Variants in SUCLA2 observed in about 807,000 individuals in gnomAD.
SUCLA2 encodes succinate-CoA ligase ADP-forming subunit beta.
In SUCLA2, 30 loss-of-function variants were observed where a neutral mutation model predicts 54.8. The observed-to-expected ratio is 0.55, with a 90% confidence interval of 0.41 to 0.74. SUCLA2 has a LOEUF of 0.74. Ranked by LOEUF, SUCLA2 falls within the 30% of genes least tolerant of loss-of-function variation. SUCLA2 has a pLI of 0.00. For synonymous variants in SUCLA2, 172 were observed against 188.9 expected, an observed-to-expected ratio of 0.91 and a Z score of 0.74; for missense variants, 476 against 562.9, an observed-to-expected ratio of 0.85 and a Z score of 1.56.
intron 2 of SUCLA2, among the ~76,000 whole-genome samples, chr13:47,995,512 T>G (rs1055668807): frequency 1.3e-5 from 2 of 152,182 alleles, no homozygotes; most frequent in Non-Finnish European, 2.9e-5. Context: ...TATGACAGTT[T>G]TCTGAACTTG....
chr13:47,947,380 A>T (rs747353240), intron 10 of SUCLA2, among the ~76,000 whole-genome samples: 2 of 152,200 alleles, frequency 1.3e-5, no homozygotes, highest in Non-Finnish European at 2.9e-5. Flanking sequence ...GACATAATAG[A>T]ACAAACATTA....
At chr13:47,980,935 C>A (rs1950056466) in intron 4 of SUCLA2, among the ~76,000 whole-genome samples, 1 of 151,966 alleles carries the variant, frequency 6.6e-6, no homozygotes, top group South Asian at 2.1e-4. Flanking sequence ...CTACTATATG[C>A]AAAAATTTAC....
intron 4 of SUCLA2, 35 bp downstream of exon 4, chr13:47,988,506 T>A (rs2137742830): frequency 6.2e-7 from 1 of 1,608,848 alleles, no homozygotes; most frequent in East Asian, 2.2e-5. Flanking sequence ...ATGTCATAAA[T>A]TTATCCCGTA....
rs146144810 is a variant in SUCLA2, at chr13:47,949,648, A to C, written c.1108-45T>G. 341 of 1,603,832 alleles carry C rather than the reference A, an allele frequency of 2.1e-4. 5 individuals are homozygous for C. The East Asian group carries it at 6.5e-3, about 30-fold the overall frequency. On this transcript the variant is annotated intron_variant, in intron 8 of 10. Transcript: ENST00000646932. ...ATAGATTAAAATTTAAAAGAAATTT[A>C]AGTTCTTTTCCCCAAAAAATACTAG...
At chr13:47,960,903 C>A (rs558280832) in intron 6 of SUCLA2, among the ~76,000 whole-genome samples, 1 of 152,006 alleles carries the variant, frequency 6.6e-6, no homozygotes. Context: ...GGGATCACTG[C>A]GGAAGAGGTA....
Position 47,943,101 on chromosome 13 carries a change from T to C in SUCLA2, c.*270A>G, listed in dbSNP as rs1949698598. 2 of 430,514 alleles carry C rather than the reference T, an allele frequency of 4.6e-6. No homozygotes were observed. The highest frequency in any genetic ancestry group is 8.5e-6 in the Non-Finnish European group (2 of 235,344). 26.7% of individuals were successfully genotyped at this position (430,514 alleles called of 1,614,324 possible). Reference sequence around the variant, plus strand: ...AACTTTGTATCCAACAATAATAAACTGGCAAATTGCAAGTTACGTTTTGTA... The same window carrying C: ...AACTTTGTATCCAACAATAATAAACCGGCAAATTGCAAGTTACGTTTTGTA... On this transcript the variant is annotated 3_prime_UTR_variant, in exon 11 of 11. Transcript: ENST00000646932.
At chr13:47,948,870 G>A in intron 10 of SUCLA2, 70 bp downstream of exon 10, 1 of 1,342,738 alleles carries the variant, frequency 7.4e-7, no homozygotes. Flanking sequence ...ATTATTAGCT[G>A]TATTAATAAT....
chr13:47,998,003 AAATC>A (rs1950202909), intron 1 of SUCLA2, among the ~76,000 whole-genome samples: 1 of 152,202 alleles, frequency 6.6e-6, no homozygotes, highest in South Asian at 2.1e-4. Flanking sequence ...CTAGTCTTAC[AAATC>A]AATCATATAT....
At chr13:47,968,161 T>C (rs1949934515) in intron 6 of SUCLA2, among the ~76,000 whole-genome samples, 1 of 152,162 alleles carries the variant, frequency 6.6e-6, no homozygotes, top group South Asian at 2.1e-4. Context: ...CACTGCCCAA[T>C]AAAACCTTCT....
Position 47,990,814 on chromosome 13 carries a change from T to C in SUCLA2, c.272-1833A>G, listed in dbSNP as rs539924435. ...CCAACCAAATCAATGAGGTAGGAAA[T>C]GGAGTTTGAAACCAAACAAAAACAA... is the stretch of plus-strand genomic sequence containing the variant. On this transcript the variant is annotated intron_variant, in intron 2 of 10. Coordinates refer to ENST00000646932, the MANE Select transcript of SUCLA2 (RefSeq NM_003850.3). Among the ~76,000 whole-genome samples, 3 of 152,314 alleles carry C rather than the reference T, an allele frequency of 2.0e-5. No homozygotes were observed. In the South Asian group the frequency reaches 6.2e-4, roughly 32 times the overall value.
At position 47,996,889 on chromosome 13, in the gene SUCLA2, A is replaced by G. The variant is rs755889049; in HGVS notation, c.225T>C (p.Tyr75=). The part of the protein sequence containing the change: ...QEAGVSVPKG[Y]VAKSPDEAYA... ...AAGCTTCATCTGGTGACTTTGCCAC[A>G]TATCCTTTGGGAACGGAGACACCAG... Residue 75 remains tyrosine (Y), a synonymous_variant, in exon 2 of 11, where the codon TAT becomes TAC. Transcript: ENST00000646932. 4 of 1,613,862 alleles carry G rather than the reference A, an allele frequency of 2.5e-6. No homozygotes were observed. The African/African-American group carries it at 4.0e-5, about 16-fold the overall frequency.
intron 2 of SUCLA2, chr13:47,991,500 T>G (rs1950148559): frequency 6.6e-6 from 1 of 152,224 alleles, no homozygotes; most frequent in Non-Finnish European, 1.5e-5. Context: ...CAATCCCCCT[T>G]ACCTACTACA....
intron 1 of SUCLA2, 111 bp downstream of exon 1, chr13:48,001,069 C>T (rs45602539): frequency 0.12 from 177,133 of 1,525,390 alleles, 11,245 homozygotes; most frequent in South Asian, 0.18. Context: ...TGCAGGGCAC[C>T]CAGAAAATGT....
At chr13:48,001,090 G>A (rs991696212) in intron 1 of SUCLA2, 90 bp downstream of exon 1, 79 of 1,531,240 alleles carry the variant, frequency 5.2e-5, no homozygotes, top group Admixed American at 7.9e-5. Context: ...CACTGCCGGC[G>A]AAGTGACCCC....
At chr13:47,959,307 G>A (rs971468188) in intron 6 of SUCLA2, among the ~76,000 whole-genome samples, 1 of 151,814 alleles carries the variant, frequency 6.6e-6, no homozygotes, top group Non-Finnish European at 1.5e-5. Context: ...TGATGATCAT[G>A]TATTTTTGGT....
intron 6 of SUCLA2, among the ~76,000 whole-genome samples, chr13:47,958,338 T>C (rs926986285): frequency 6.6e-6 from 1 of 152,206 alleles, no homozygotes; most frequent in African/African-American, 2.4e-5. Flanking sequence ...TAAACACTAC[T>C]GGATTTTCAT....
At chr13:47,970,085 G>A (rs937554698) in intron 5 of SUCLA2, among the ~76,000 whole-genome samples, 1 of 145,636 alleles carries the variant, frequency 6.9e-6, no homozygotes, top group Non-Finnish European at 1.5e-5. Flanking sequence ...CTGGGCGACA[G>A]AGTGAGACTC....
intron 2 of SUCLA2, among the ~76,000 whole-genome samples, chr13:47,990,536 CCT>C (rs1950141615): frequency 6.6e-6 from 1 of 152,160 alleles, no homozygotes; most frequent in South Asian, 2.1e-4. Flanking sequence ...CCTCATTTTG[CCT>C]CTCATAGCAT....
At chr13:47,995,731 G>C (rs1200389644) in intron 2 of SUCLA2, among the ~76,000 whole-genome samples, 1 of 152,068 alleles carries the variant, frequency 6.6e-6, no homozygotes, top group East Asian at 1.9e-4. Context: ...TAAAATTGGT[G>C]GGATTTAAAA....
Sources: gnomAD v4.1 joint callset for allele counts (sites outside exome capture counted in the v4.1 genomes callset) on GRCh38, gnomAD v4.1.1 for gene constraint, MANE v1.5 for transcripts, NCBI Gene and HGNC (gene_info 2026-07-23, HGNC 2026-07-21) for gene names.